Variants in CTNNA3 observed in about 807,000 individuals in gnomAD.
CTNNA3 encodes the protein catenin alpha 3, also known as catenin alpha-3.
A neutral mutation model predicts 95.7 loss-of-function variants in CTNNA3; 76 were observed. The ratio of observed to expected loss-of-function variants is 0.79; its 90% CI spans 0.66 to 0.96. CTNNA3 has a LOEUF of 0.96. CTNNA3 is among the 40% of genes least tolerant of loss of function. The pLI is 0.00. For missense variants in CTNNA3, 1,191 were observed against 1,089.8 expected (o/e 1.09, Z -1.31); for synonymous variants, 431 against 374.4 (o/e 1.15, Z -1.74).
At chr10:66,629,350 C>A (rs1299390500) in intron 9 of CTNNA3, among the ~76,000 whole-genome samples, 2 of 151,972 alleles carry the variant, frequency 1.3e-5, no homozygotes, top group African/African-American at 4.8e-5. Flanking sequence ...TCTCATTCTC[C>A]CATCTATCCA....
intron 5 of CTNNA3, among the ~76,000 whole-genome samples, chr10:67,309,219 G>GA (rs1379060074): frequency 1.3e-5 from 2 of 151,798 alleles, no homozygotes; most frequent in African/African-American, 4.8e-5. Flanking sequence ...GACTCAGTTT[G>GA]AAAAAAATAT....
chr10:67,448,675 G>A (rs887066690), intron 5 of CTNNA3, among the ~76,000 whole-genome samples: 61 of 151,346 alleles, frequency 4.0e-4, no homozygotes, highest in African/African-American at 1.4e-3. Context: ...AATTCTATGC[G>A]AGTTGAAGAG....
intron 7 of CTNNA3, among the ~76,000 whole-genome samples, chr10:66,802,498 G>C (rs184356898): frequency 2.6e-5 from 4 of 151,778 alleles, no homozygotes; most frequent in Non-Finnish European, 4.4e-5. Flanking sequence ...ACCAAATGTT[G>C]GCAAGGATGT....
In CTNNA3 at chr10:66,407,411, T is replaced by C. The variant is rs188379703; in HGVS notation, c.1532-28059A>G. Among the ~76,000 whole-genome samples the C allele has an allele frequency of 3.3e-3, 504 of 152,062 alleles. 1 individual carries two copies. Among genetic ancestry groups the C allele is most frequent in the African/African-American group, 0.012 (484 of 41,432 alleles). ...AATATCACATACTATAGGAGAAATATCTAGCACCGATGATAATAATAATAA... is the reference window on the plus strand; with the variant it reads ...AATATCACATACTATAGGAGAAATACCTAGCACCGATGATAATAATAATAA... On this transcript the variant is annotated intron_variant, in intron 11 of 17. Transcript: ENST00000433211.
At chr10:67,577,488 C>T (rs1056947802) in intron 3 of CTNNA3, among the ~76,000 whole-genome samples, 1 of 152,066 alleles carries the variant, frequency 6.6e-6, no homozygotes, top group Admixed American at 6.6e-5. Flanking sequence ...CCTGTTCACT[C>T]TGATGGTAGT....
intron 11 of CTNNA3, among the ~76,000 whole-genome samples, chr10:66,397,576 T>C (rs1450130478): frequency 3.3e-5 from 5 of 151,752 alleles, no homozygotes. Context: ...ATTTGCAGAG[T>C]TCCTACTACA....
chr10:66,701,043 T>C (rs1847926180), intron 9 of CTNNA3, among the ~76,000 whole-genome samples: 2 of 152,180 alleles, frequency 1.3e-5, no homozygotes, highest in Non-Finnish European at 2.9e-5. Context: ...TACAATTTGA[T>C]AAATTTTTGG....
rs1844688082 is a variant in CTNNA3, at chr10:66,877,947, G to C, written c.1048-102423C>G. On this transcript the variant is annotated intron_variant, in intron 7 of 17. Transcript: ENST00000433211. ...AAGTCTAAACTGTTAAAGTCGCTAAGGCACTAGTGCTTTGTATAATTTACC... is the reference window on the plus strand; with the variant it reads ...AAGTCTAAACTGTTAAAGTCGCTAACGCACTAGTGCTTTGTATAATTTACC... 2.6e-5 allele frequency among the ~76,000 whole-genome samples: 4 copies of C among 152,100 alleles called. No homozygotes were observed. In the South Asian group the frequency reaches 8.3e-4, roughly 32 times the overall value.
intron 13 of CTNNA3, among the ~76,000 whole-genome samples, chr10:66,154,519 T>G (rs1000956100): frequency 1.3e-5 from 2 of 151,302 alleles, no homozygotes; most frequent in African/African-American, 2.4e-5. Context: ...CAAGGGTGGA[T>G]TTTTACATTA....
At chr10:66,449,739 G>T (rs7087155) in intron 11 of CTNNA3, among the ~76,000 whole-genome samples, 17,800 of 151,880 alleles carry the variant, frequency 0.12, 1,514 homozygotes, top group African/African-American at 0.24. Context: ...ATGACTCAAA[G>T]TCCGGCAATA....
In CTNNA3 at chr10:66,715,452, G is replaced by C. The variant is rs561000140; in HGVS notation, c.1281+50812C>G. Reference sequence around the variant, plus strand: ...CACTCCTAGATATGCAGGACCCAAAGCAATAGTAGAAAGGGAGGCCTACAT... The same window carrying C: ...CACTCCTAGATATGCAGGACCCAAACCAATAGTAGAAAGGGAGGCCTACAT... On this transcript the variant is annotated intron_variant, in intron 9 of 17. Coordinates refer to ENST00000433211, the MANE Select transcript of CTNNA3 (RefSeq NM_013266.4). Among the ~76,000 whole-genome samples the C allele has an allele frequency of 3.1e-3, 465 of 152,098 alleles. 2 individuals are homozygous for C. Among genetic ancestry groups the C allele is most frequent in the African/African-American group, 0.011 (436 of 41,472 alleles).
chr10:66,400,080 A>G (rs947651030), intron 11 of CTNNA3, among the ~76,000 whole-genome samples: 1 of 152,018 alleles, frequency 6.6e-6, no homozygotes, highest in Non-Finnish European at 1.5e-5. Flanking sequence ...TATGCTTTTT[A>G]TAGCCTATTA....
chr10:66,619,261 C>T (rs970519619), intron 10 of CTNNA3, among the ~76,000 whole-genome samples: 64 of 151,216 alleles, frequency 4.2e-4, no homozygotes, highest in Middle Eastern at 3.4e-3. Context: ...CACATGCACA[C>T]GTATGTTTAT....
At chr10:67,094,029 C>T (rs1319505588) in intron 7 of CTNNA3, among the ~76,000 whole-genome samples, 3 of 151,766 alleles carry the variant, frequency 2.0e-5, no homozygotes, top group Admixed American at 6.6e-5. Context: ...ACTTCCTACT[C>T]GAATTAACTT....
At chr10:66,215,269 T>C (rs10996979) in intron 13 of CTNNA3, among the ~76,000 whole-genome samples, 60,846 of 151,994 alleles carry the variant, frequency 0.4, 13,033 homozygotes, top group Admixed American at 0.53. Context: ...GGGGAAGAAA[T>C]AGATGCTGGG....
chr10:66,231,405 T>G lies in CTNNA3; in HGVS notation c.1884+49065A>C, dbSNP rs371232157. On this transcript the variant is annotated intron_variant, in intron 13 of 17. Coordinates refer to ENST00000433211, the MANE Select transcript of CTNNA3 (RefSeq NM_013266.4). ...TTTACTGAATCGTAAAGTGCTTTTT[T>G]TTCCTTTGATGAAGTCATTTGAAAT... Among the ~76,000 whole-genome samples the G allele has an allele frequency of 3.2e-4, 48 of 152,316 alleles. No homozygotes were observed. The South Asian group carries it at 9.3e-3, about 30-fold the overall frequency.
At chr10:67,411,943 T>TA (rs906439038) in intron 5 of CTNNA3, among the ~76,000 whole-genome samples, 219 of 151,386 alleles carry the variant, frequency 1.4e-3, no homozygotes, top group African/African-American at 2.5e-3. Context: ...ACTTTGGTGA[T>TA]AAAAAAAAAT....
chr10:67,393,833 T>A (rs924290614), intron 5 of CTNNA3, among the ~76,000 whole-genome samples: 18 of 152,164 alleles, frequency 1.2e-4, no homozygotes, highest in Non-Finnish European at 2.6e-4. Flanking sequence ...TATATATACC[T>A]GAAATGGAGG....
intron 13 of CTNNA3, among the ~76,000 whole-genome samples, chr10:66,216,342 T>A (rs2088533901): frequency 6.6e-6 from 1 of 152,212 alleles, no homozygotes; most frequent in South Asian, 2.1e-4. Context: ...ATCTGGCAGG[T>A]AATTGTGTGG....
Sources: allele counts gnomAD v4.1 joint callset (sites outside exome capture counted in the v4.1 genomes callset), GRCh38; gene constraint gnomAD v4.1.1; transcripts MANE v1.5; gene names NCBI Gene and HGNC (gene_info 2026-07-23, HGNC 2026-07-21).